Variants in COL8A2 observed in about 807,000 individuals in gnomAD.
COL8A2 encodes collagen alpha-2(VIII) chain.
COL8A2 carries 16 observed loss-of-function variants against 24.0 expected under a neutral mutation model. That is an observed-to-expected ratio of 0.67 (90% confidence interval 0.45 to 1.01). COL8A2 has a LOEUF of 1.01. Among genes scored for constraint, COL8A2 ranks in the 50% least tolerant of loss-of-function variants. The probability of loss-of-function intolerance (pLI) is 0.00; values close to 1 mark genes in which losing one functional copy is unlikely to be tolerated. For missense variants in COL8A2, 818 were observed against 942.4 expected, an observed-to-expected ratio of 0.87 and a Z score of 1.73; for synonymous variants, 466 against 424.5, an observed-to-expected ratio of 1.10 and a Z score of -1.20.
chr1:36,121,485 C>G (rs1643913934), intron 1 of COL8A2, among the ~76,000 whole-genome samples: 2 of 148,694 alleles, frequency 1.3e-5, no homozygotes, highest in African/African-American at 5.0e-5. Flanking sequence ...CTTTGGGAGG[C>G]CAAGGCGGGC....
rs1643558356 is a variant in COL8A2 at position 36,096,083 on chromosome 1, T to A, written c.*1486A>T. 6.6e-6 allele frequency: 1 copy of A among 151,496 alleles called. No individual in the cohort carries two copies. 9.4% of individuals were successfully genotyped at this position (151,496 alleles called of 1,614,324 possible). On this transcript the variant is annotated 3_prime_UTR_variant, in exon 4 of 4. Coordinates refer to ENST00000397799, the MANE Select transcript of COL8A2 (RefSeq NM_005202.4). ...CTGGACACAGCCAGACTTGGAGCAG[T>A]GCAACGAGATCACAGACCGAATGAC...
chr1:36,099,335 GC>G lies in COL8A2; in HGVS notation c.345del (p.Pro117LeufsTer120). ...PGLHGQPGPA[G>X]PPGFSRMGKA... ...TTGCCCATCCGGGAGAAGCCAGGGG[GC>G]CCAGCAGGGCCAGGCTGCCCATGGA... On this transcript the variant is annotated frameshift_variant, in exon 4 of 4. Transcript: ENST00000397799. LOFTEE classifies it low-confidence loss of function (END_TRUNC). 1 of 1,582,084 alleles carries G rather than the reference GC, an allele frequency of 6.3e-7. No individual in the cohort carries two copies.
Position 36,099,267 on chromosome 1 carries a change from C to T in COL8A2, c.414G>A (p.Gly138=). The T allele has an allele frequency of 6.4e-7, 1 of 1,551,570 alleles. No homozygotes were observed. The highest frequency in any genetic ancestry group is 1.2e-5 in the South Asian group (1 of 84,262). The change falls in exon 4 of 4, where the codon GGG becomes GGA. Residue 138 remains glycine (G), a synonymous_variant. Transcript: ENST00000397799. ...PGLPGKVGPP[G]QPGLRGEPGI... Reference sequence around the variant, plus strand: ...CTGGCTCCCCCCGAAGCCCCGGCTGCCCTGGTGGCCCGACCTTGCCAGGGA... The same window carrying T: ...CTGGCTCCCCCCGAAGCCCCGGCTGTCCTGGTGGCCCGACCTTGCCAGGGA...
At chr1:36,104,349 G>A (rs1234831512) in intron 2 of COL8A2, among the ~76,000 whole-genome samples, 1 of 151,118 alleles carries the variant, frequency 6.6e-6, no homozygotes, top group Non-Finnish European at 1.5e-5. Flanking sequence ...AAAATTAGCT[G>A]GGCGTGGTGG....
rs929935977 is a variant in COL8A2 at position 36,097,344 on chromosome 1, G to A, written c.*225C>T. ...TGTGCCTCAGGGCCTATGGGGTGCAGCCCTGACACTGCACAGACATTTGGG... is the reference window on the plus strand; with the variant it reads ...TGTGCCTCAGGGCCTATGGGGTGCAACCCTGACACTGCACAGACATTTGGG... On this transcript the variant is annotated 3_prime_UTR_variant, in exon 4 of 4. Transcript: ENST00000397799. 64 of 551,464 alleles carry A rather than the reference G, an allele frequency of 1.2e-4. 1 individual carries two copies. The highest frequency in any genetic ancestry group is 1.0e-3 in the South Asian group (50 of 47,778). 34.2% of individuals were successfully genotyped at this position (551,464 alleles called of 1,614,324 possible). A position where few individuals can be genotyped will look rare whatever the true frequency, so the allele number is the denominator to read the frequency against.
At chr1:36,120,795 G>A (rs1294262762) in intron 1 of COL8A2, among the ~76,000 whole-genome samples, 3 of 147,604 alleles carry the variant, frequency 2.0e-5, no homozygotes, top group African/African-American at 7.5e-5. Context: ...AAGGAAGGAA[G>A]GAAGGAAGAA....
At chr1:36,109,255 C>T (rs1289944318) in intron 2 of COL8A2, among the ~76,000 whole-genome samples, 4 of 152,226 alleles carry the variant, frequency 2.6e-5, no homozygotes, top group East Asian at 1.9e-4. Flanking sequence ...ACCCGCCCCG[C>T]GCTGCTCTCT....
At chr1:36,108,638 C>T (rs528526284) in intron 2 of COL8A2, among the ~76,000 whole-genome samples, 43 of 152,210 alleles carry the variant, frequency 2.8e-4, no homozygotes, top group African/African-American at 8.4e-4. Context: ...TGTGGCAGCC[C>T]GGGCCTCCTC....
chr1:36,116,054 GTC>G lies in COL8A2; in HGVS notation c.-61-304_-61-303del, dbSNP rs529499954. On this transcript the variant is annotated intron_variant, in intron 1 of 3. Coordinates refer to ENST00000397799, the MANE Select transcript of COL8A2 (RefSeq NM_005202.4). ...CACTCCTGAGACAGGGCAAGACTCT[GTC>G]TCAAAAAAAAAAAAAAGGAGGAACA... 7.1e-5 allele frequency among the ~76,000 whole-genome samples: 10 copies of G among 140,972 alleles called. No individual in the cohort carries two copies. In the South Asian group the frequency reaches 1.8e-3, roughly 26 times the overall value. 92.5% of individuals were successfully genotyped at this position (140,972 alleles called of 152,430 possible).
intron 2 of COL8A2, among the ~76,000 whole-genome samples, chr1:36,102,882 A>G (rs1643700102): frequency 6.6e-6 from 1 of 152,038 alleles, no homozygotes; most frequent in Non-Finnish European, 1.5e-5. Context: ...CATGTTGGCC[A>G]GGCTGGTCTT....
intron 1 of COL8A2, among the ~76,000 whole-genome samples, chr1:36,118,055 C>T (rs1290660753): frequency 2.6e-5 from 4 of 152,194 alleles, no homozygotes; most frequent in African/African-American, 7.2e-5. Context: ...CCATGTTAAC[C>T]GTTAAGAACA....
chr1:36,110,217 C>A (rs1367336479), intron 2 of COL8A2, among the ~76,000 whole-genome samples: 5 of 151,590 alleles, frequency 3.3e-5, no homozygotes, highest in Non-Finnish European at 7.4e-5. Context: ...CAGGCGTGAG[C>A]CACCGCGCCA....
At chr1:36,112,279 A>G (rs765164636) in intron 2 of COL8A2, among the ~76,000 whole-genome samples, 8 of 152,174 alleles carry the variant, frequency 5.3e-5, no homozygotes, top group Non-Finnish European at 8.8e-5. Context: ...CTGGGATTAC[A>G]GGCCTGAGCC....
intron 1 of COL8A2, among the ~76,000 whole-genome samples, chr1:36,121,726 AAG>A (rs1553179341): frequency 6.6e-6 from 1 of 151,040 alleles, no homozygotes; most frequent in East Asian, 1.9e-4. Flanking sequence ...TTAAAAAAAA[AAG>A]AAAGAAAGAA....
chr1:36,106,218 G>A (rs1643758342), intron 2 of COL8A2, among the ~76,000 whole-genome samples: 1 of 151,542 alleles, frequency 6.6e-6, no homozygotes, highest in Non-Finnish European at 1.5e-5. Context: ...GAGCTGAGAT[G>A]GCACCGCTGC....
rs749571542 is a variant in COL8A2 at position 36,099,460 on chromosome 1, T to C, written c.221A>G (p.Asp74Gly). Reference protein sequence around the residue: ...LEMPLPLLPMDLKGEPGPPGK... With the variant: ...LEMPLPLLPMGLKGEPGPPGK... ...AGGGGGGCCGGGCTCTCCCTTCAGG[T>C]CCATCGGCAGCAGCGGTAGAGGCAT... is the stretch of plus-strand genomic sequence containing the variant. Residue 74 changes from aspartate to glycine, a missense_variant, in exon 4 of 4, where the codon GAC becomes GGC. By Grantham distance (94) the Asp-to-Gly change is moderately conservative (BLOSUM62 -1). Transcript: ENST00000397799. The C allele has an allele frequency of 1.0e-5, 16 of 1,542,644 alleles. No individual in the cohort carries two copies. The highest frequency in any genetic ancestry group is 1.4e-5 in the African/African-American group (1 of 73,686).
intron 1 of COL8A2, among the ~76,000 whole-genome samples, chr1:36,122,071 A>G (rs1323694052): frequency 6.6e-6 from 1 of 152,194 alleles, no homozygotes; most frequent in Non-Finnish European, 1.5e-5. Context: ...TCTGAATAGA[A>G]GCACGGCCAG....
intron 2 of COL8A2, among the ~76,000 whole-genome samples, chr1:36,112,617 G>A (rs921751622): frequency 2.0e-5 from 3 of 152,074 alleles, no homozygotes; most frequent in East Asian, 3.9e-4. Context: ...GCACACCCCC[G>A]TCACTAAGTA....
At chr1:36,119,147 G>A (rs1354529664) in intron 1 of COL8A2, among the ~76,000 whole-genome samples, 3 of 152,146 alleles carry the variant, frequency 2.0e-5, no homozygotes, top group Non-Finnish European at 4.4e-5. Context: ...TGAAAGGGGT[G>A]GAATCTGAAT....
Sources: allele counts gnomAD v4.1 joint callset (sites outside exome capture counted in the v4.1 genomes callset), GRCh38; gene constraint gnomAD v4.1.1; transcripts MANE v1.5; gene names NCBI Gene and HGNC (gene_info 2026-07-23, HGNC 2026-07-21).